The following KIF16B variants were observed in gnomAD, a reference collection of about 807,000 sequenced individuals.
KIF16B encodes the protein kinesin-like protein KIF16B.
Under a neutral mutation model 156.3 loss-of-function variants are expected in KIF16B, and 98 were observed. That is an observed-to-expected ratio of 0.63 (90% CI 0.53 to 0.74). The LOEUF (loss-of-function observed/expected upper bound fraction) is 0.74. Ranked by LOEUF, KIF16B falls within the 30% of genes least tolerant of loss-of-function variation. The pLI is 0.00. For synonymous variants in KIF16B, 564 were observed against 583.7 expected (o/e 0.97, Z 0.49); for missense variants, 1,421 against 1,606.5 (o/e 0.88, Z 1.97).
At chr20:16,313,216 T>C (rs1312276069) in intron 24 of KIF16B, among the ~76,000 whole-genome samples, 1 of 152,176 alleles carries the variant, frequency 6.6e-6, no homozygotes, top group East Asian at 1.9e-4. Flanking sequence ...ACTATTTCCT[T>C]CCTTTCTCAA....
At chr20:16,548,843 T>C (rs969041390) in intron 1 of KIF16B, among the ~76,000 whole-genome samples, 12 of 152,154 alleles carry the variant, frequency 7.9e-5, no homozygotes, top group Non-Finnish European at 1.3e-4. Context: ...GTAAGTGAGA[T>C]GCAAGGCTGC....
At chr20:16,483,705 C>T (rs887763447) in intron 12 of KIF16B, among the ~76,000 whole-genome samples, 2 of 152,028 alleles carry the variant, frequency 1.3e-5, no homozygotes, top group African/African-American at 2.4e-5. Context: ...TGAGTGGTGA[C>T]CAACGTCAGA....
In KIF16B at chr20:16,427,218, T is replaced by C; in HGVS notation, c.1498A>G (p.Ser500Gly). ...ATATTTTCAAAGATGCAATGCTCACTCTCCAAGTCAAGGCCATGAAGAACT... is the reference window on the plus strand; with the variant it reads ...ATATTTTCAAAGATGCAATGCTCACCCTCCAAGTCAAGGCCATGAAGAACT... Reference protein sequence around the residue: ...DIVLHGLDLESEHCIFENIGG... With the variant: ...DIVLHGLDLEGEHCIFENIGG... The change falls in exon 15 of 26, where the codon AGT becomes GGT. Residue 500 changes from serine (S) to glycine (G), a missense_variant. By Grantham distance (56) the Ser-to-Gly change is moderately conservative. Transcript: ENST00000354981. 1 of 1,612,024 alleles carries C rather than the reference T, an allele frequency of 6.2e-7. No homozygotes were observed. Among genetic ancestry groups the C allele is most frequent in the Non-Finnish European group, 8.5e-7 (1 of 1,179,038 alleles).
intron 25 of KIF16B, among the ~76,000 whole-genome samples, chr20:16,297,747 C>A (rs1318794768): frequency 5.3e-5 from 8 of 151,258 alleles, no homozygotes; most frequent in Non-Finnish European, 1.0e-4. Flanking sequence ...GGTGTCCATA[C>A]CAATTTCATC....
chr20:16,539,675 T>G (rs1315597583), intron 1 of KIF16B, among the ~76,000 whole-genome samples: 1 of 152,226 alleles, frequency 6.6e-6, no homozygotes, highest in African/African-American at 2.4e-5. Context: ...CTGTACAGCC[T>G]GCAGAACCAT....
chr20:16,525,333 G>A (rs985795419), intron 3 of KIF16B, among the ~76,000 whole-genome samples: 4 of 152,036 alleles, frequency 2.6e-5, no homozygotes, highest in African/African-American at 9.7e-5. Flanking sequence ...AGCTGTCAAC[G>A]AGCCAGGAAG....
At chr20:16,357,678 C>G (rs2064470736) in intron 22 of KIF16B, among the ~76,000 whole-genome samples, 1 of 152,164 alleles carries the variant, frequency 6.6e-6, no homozygotes, top group Admixed American at 6.5e-5. Context: ...GTCAACTTAG[C>G]TGTGTGCATG....
At chr20:16,401,154 A>G (rs1489272406) in intron 17 of KIF16B, among the ~76,000 whole-genome samples, 1 of 152,224 alleles carries the variant, frequency 6.6e-6, no homozygotes, top group Non-Finnish European at 1.5e-5. Flanking sequence ...AAGGGGTAGC[A>G]GAGAGAAAAT....
intron 1 of KIF16B, among the ~76,000 whole-genome samples, chr20:16,531,487 G>A (rs1600640123): frequency 6.6e-6 from 1 of 152,178 alleles, no homozygotes; most frequent in Non-Finnish European, 1.5e-5. Context: ...AACCAGGTAC[G>A]AGGTGTATTC....
intron 12 of KIF16B, among the ~76,000 whole-genome samples, chr20:16,440,190 G>T (rs1048564518): frequency 2.0e-5 from 3 of 152,142 alleles, no homozygotes; most frequent in African/African-American, 7.2e-5. Context: ...GATGGGGTCA[G>T]TGAGAGCCAA....
chr20:16,373,579 T>C (rs1037892738), intron 20 of KIF16B, among the ~76,000 whole-genome samples: 14 of 152,240 alleles, frequency 9.2e-5, no homozygotes, highest in African/African-American at 3.4e-4. Context: ...AATATACTAG[T>C]AGTTTTTATA....
intron 12 of KIF16B, among the ~76,000 whole-genome samples, chr20:16,462,670 A>T (rs1031708411): frequency 2.6e-5 from 4 of 152,170 alleles, no homozygotes; most frequent in Non-Finnish European, 5.9e-5. Context: ...ACAGTTAGAG[A>T]GGGTAAGAGA....
chr20:16,539,866 C>T (rs2070127725), intron 1 of KIF16B, among the ~76,000 whole-genome samples: 1 of 152,154 alleles, frequency 6.6e-6, no homozygotes, highest in Non-Finnish European at 1.5e-5. Flanking sequence ...CCATAATAAA[C>T]AGCTAGACTG....
At chr20:16,476,251 T>TAC in intron 12 of KIF16B, among the ~76,000 whole-genome samples, 1 of 152,206 alleles carries the variant, frequency 6.6e-6, no homozygotes, top group Non-Finnish European at 1.5e-5. Context: ...AATATATATA[T>TAC]AGCTCTTAAG....
At chr20:16,289,714 G>A (rs796685711) in intron 25 of KIF16B, among the ~76,000 whole-genome samples, 40 of 152,240 alleles carry the variant, frequency 2.6e-4, no homozygotes, top group African/African-American at 8.9e-4. Context: ...AGTGGCGGGC[G>A]CCTGTACTCC....
chr20:16,332,192 G>A (rs1252018722), intron 24 of KIF16B, among the ~76,000 whole-genome samples: 1 of 152,100 alleles, frequency 6.6e-6, no homozygotes, highest in Non-Finnish European at 1.5e-5. Context: ...CCTGGGACTG[G>A]CTTCTGCTCA....
At chr20:16,547,130 A>G (rs141075190) in intron 1 of KIF16B, among the ~76,000 whole-genome samples, 208 of 152,302 alleles carry the variant, frequency 1.4e-3, no homozygotes, top group African/African-American at 4.8e-3. Context: ...GACGACATAC[A>G]GACTGTCCCA....
chr20:16,513,184 G>A (rs1195687419), intron 4 of KIF16B, among the ~76,000 whole-genome samples: 19 of 152,088 alleles, frequency 1.2e-4, no homozygotes, highest in Non-Finnish European at 2.2e-4. Context: ...TACAAACAAG[G>A]AAACTTAATT....
At chr20:16,527,903 A>G (rs1316311000) in intron 2 of KIF16B, among the ~76,000 whole-genome samples, 1 of 152,194 alleles carries the variant, frequency 6.6e-6, no homozygotes, top group Non-Finnish European at 1.5e-5. Flanking sequence ...TTTTTCCAGA[A>G]AAGAAATTTG....
Sources: gnomAD v4.1 joint callset for allele counts (sites outside exome capture counted in the v4.1 genomes callset) on GRCh38, gnomAD v4.1.1 for gene constraint, MANE v1.5 for transcripts, NCBI Gene and HGNC (gene_info 2026-07-23, HGNC 2026-07-21) for gene names.